GSTA1: variants seen among roughly 807,000 people sequenced by gnomAD.
GSTA1 encodes glutathione S-transferase A1.
Under a neutral mutation model 21.5 loss-of-function variants are expected in GSTA1, and 23 were observed. The observed-to-expected ratio is 1.07, with a 90% CI of 0.77 to 1.52. GSTA1 has a LOEUF of 1.52. Among genes scored for constraint, GSTA1 ranks in the 40% most tolerant of loss-of-function variants. The pLI is 0.00. For missense variants in GSTA1, 301 were observed against 264.2 expected (o/e 1.14, Z -0.96); for synonymous variants, 125 against 90.0 (o/e 1.39, Z -2.20).
intron 3 of GSTA1, among the ~76,000 whole-genome samples, 169 bp from the exon 4 acceptor site, chr6:52,796,483 A>ATG (rs1488219357): frequency 1.7e-3 from 8 of 4,646 alleles, no homozygotes; most frequent in African/African-American, 0.011. Context: ...ATATATATAT[A>ATG]TATATATGTG....
intron 3 of GSTA1, among the ~76,000 whole-genome samples, chr6:52,796,841 AAAC>A (rs1763602807): frequency 6.6e-6 from 1 of 151,984 alleles, no homozygotes; most frequent in Non-Finnish European, 1.5e-5. Context: ...CACCCAGTCC[AAAC>A]AACATTTTTA....
At chr6:52,793,019 C>T (rs1259149224) in intron 5 of GSTA1, 32 bp from the exon 6 acceptor site, 1 of 1,613,704 alleles carries the variant, frequency 6.2e-7, no homozygotes, top group Non-Finnish European at 8.5e-7. Context: ...ATCAGGAACA[C>T]ATGCACACCC....
rs368967369 is a variant in GSTA1 at position 52,794,209 on chromosome 6, G to C, written c.330C>G (p.Pro110=). 48 of 1,613,564 alleles carry C rather than the reference G, an allele frequency of 3.0e-5. No individual in the cohort carries two copies. Among genetic ancestry groups the C allele is most frequent in the Non-Finnish European group, 4.1e-5 (48 of 1,179,706 alleles). Residue 110 remains proline, a synonymous_variant, in exon 5 of 7, where the codon CCC becomes CCG. Transcript: ENST00000334575. ...CATCTTTTTCCTCAGGTGGACATACGGGCAGAAGGAGGATCATTTCACCCA... is the reference window on the plus strand; with the variant it reads ...CATCTTTTTCCTCAGGTGGACATACCGGCAGAAGGAGGATCATTTCACCCA... ...ADLGEMILLL[P]VCPPEEKDAK...
intron 5 of GSTA1, among the ~76,000 whole-genome samples, chr6:52,793,659 A>G (rs1763510494): frequency 6.6e-6 from 1 of 152,138 alleles, no homozygotes; most frequent in Non-Finnish European, 1.5e-5. Context: ...GCATCCCACA[A>G]TCACTCTCCT....
chr6:52,794,044 A>C, intron 5 of GSTA1, 81 bp downstream of exon 5: 1 of 1,560,798 alleles, frequency 6.4e-7, no homozygotes, highest in East Asian at 2.2e-5. Context: ...AGTGAAGATC[A>C]GTGACCCAGG....
chr6:52,791,876 C>T lies in GSTA1; in HGVS notation c.651G>A (p.Arg217=), dbSNP rs990913746. The T allele has an allele frequency of 2.5e-6, 4 of 1,613,870 alleles. No individual in the cohort carries two copies. In the African/African-American group the frequency reaches 4.0e-5, roughly 16 times the overall value. The part of the protein sequence containing the change: ...PMDEKSLEEA[R]KIFRF ...TGCGTTATTAAAACCTGAAAATCTT[C>T]CTTGCTTCTTCTAAAGATTTCTCAT... The change falls in exon 7 of 7, where the codon AGG becomes AGA. Residue 217 remains arginine, a synonymous_variant. Transcript: ENST00000334575.
intron 1 of GSTA1, among the ~76,000 whole-genome samples, chr6:52,802,416 A>G (rs1763739834): frequency 6.6e-6 from 1 of 152,232 alleles, no homozygotes. Context: ...TCTTCTTAGA[A>G]TAGAGATAGT....
At position 52,791,570 on chromosome 6, in the gene GSTA1, G is replaced by C; in HGVS notation, c.*288C>G. On this transcript the variant is annotated 3_prime_UTR_variant, in exon 7 of 7. Transcript: ENST00000334575. ...ATGTTACGGGACAATTCTTGGAAAA[G>C]TCAAACAAACCACATAATCTATAGT... 1 of 325,200 alleles carries C rather than the reference G, an allele frequency of 3.1e-6. No individual in the cohort carries two copies. The highest frequency in any genetic ancestry group is 5.6e-6 in the Non-Finnish European group (1 of 177,652). The allele number at this position is 325,200 out of a possible 1,614,324, so 20.1% of individuals were successfully genotyped here. A position where few individuals can be genotyped will look rare whatever the true frequency, so the allele number is the denominator to read the frequency against.
At chr6:52,796,487 ATATGTGTGTG>A (rs1763588954) in intron 3 of GSTA1, among the ~76,000 whole-genome samples, 173 bp from the exon 4 acceptor site, 4 of 5,136 alleles carry the variant, frequency 7.8e-4, no homozygotes, top group African/African-American at 3.7e-3. Flanking sequence ...ATATATATAT[ATATGTGTGTG>A]TGTGTGTGTG....
chr6:52,802,749 C>T (rs1310628517), intron 1 of GSTA1, among the ~76,000 whole-genome samples: 1 of 152,090 alleles, frequency 6.6e-6, no homozygotes, highest in South Asian at 2.1e-4. Flanking sequence ...GTCTTGTATC[C>T]ATTTCTCTGG....
At chr6:52,803,380 T>A (rs969533533) in intron 1 of GSTA1, among the ~76,000 whole-genome samples, 1 of 152,202 alleles carries the variant, frequency 6.6e-6, no homozygotes, top group Non-Finnish European at 1.5e-5. Context: ...TTTTGTATTT[T>A]CACAGCCAAT....
intron 1 of GSTA1, among the ~76,000 whole-genome samples, chr6:52,801,117 G>C (rs1375769009): frequency 6.6e-6 from 1 of 152,156 alleles, no homozygotes; most frequent in Non-Finnish European, 1.5e-5. Context: ...CTGACCTCAG[G>C]TGATCCACTC....
intron 6 of GSTA1, 64 bp from the exon 7 acceptor site, chr6:52,792,044 C>T: frequency 6.2e-7 from 1 of 1,601,800 alleles, no homozygotes; most frequent in Non-Finnish European, 8.5e-7. Context: ...TAACATGACC[C>T]AGGGAATCTG....
chr6:52,800,259 T>G (rs1382006625), intron 1 of GSTA1, among the ~76,000 whole-genome samples: 6 of 152,228 alleles, frequency 3.9e-5, no homozygotes, highest in Non-Finnish European at 8.8e-5. Flanking sequence ...TACTGAGGTT[T>G]TTAAAGTAAC....
Position 52,794,230 on chromosome 6 carries a change from A to G in GSTA1, c.309T>C (p.Gly103=), listed in dbSNP as rs776621245. 1 of 1,613,642 alleles carries G rather than the reference A, an allele frequency of 6.2e-7. No homozygotes were observed. The highest frequency in any genetic ancestry group is 1.3e-5 in the African/African-American group (1 of 74,908). ...ATACGGGCAGAAGGAGGATCATTTC[A>G]CCCAAATCTGCTATACCTTCTATAT... The part of the protein sequence containing the change: ...DMYIEGIADL[G]EMILLLPVCP... The change falls in exon 5 of 7, where the codon GGT becomes GGC. Residue 103 remains glycine (G), a synonymous_variant. Transcript: ENST00000334575.
intron 1 of GSTA1, among the ~76,000 whole-genome samples, chr6:52,800,341 CTA>C (rs1427086030): frequency 6.6e-6 from 1 of 152,100 alleles, no homozygotes; most frequent in African/African-American, 2.4e-5. Context: ...GTCTTATTTT[CTA>C]TGTTAGTGTT....
rs148780958 is a variant in GSTA1, at chr6:52,800,480, G to A, written c.-30-1183C>T. Among the ~76,000 whole-genome samples the A allele has an allele frequency of 3.4e-3, 516 of 152,348 alleles. 4 individuals are homozygous for A. Among genetic ancestry groups the A allele is most frequent in the African/African-American group, 0.012 (504 of 41,574 alleles). On this transcript the variant is annotated intron_variant, in intron 1 of 6. Coordinates refer to ENST00000334575, the MANE Select transcript of GSTA1 (RefSeq NM_145740.5). ...AAAGGTAAGTAATGTTTGATGAGTT[G>A]TTAGTTTCAGTTATTTGTATATTGT...
intron 1 of GSTA1, among the ~76,000 whole-genome samples, chr6:52,799,876 T>C (rs1763673317): frequency 6.6e-6 from 1 of 152,200 alleles, no homozygotes; most frequent in African/African-American, 2.4e-5. Flanking sequence ...AACCAGAGGA[T>C]GTCACTGACA....
intron 3 of GSTA1, among the ~76,000 whole-genome samples, chr6:52,796,786 A>G (rs1363631471): frequency 6.6e-6 from 1 of 151,060 alleles, no homozygotes; most frequent in Non-Finnish European, 1.5e-5. Flanking sequence ...GAAATGATCT[A>G]CCCACCTCAG....
Sources: gnomAD v4.1 joint callset for allele counts (sites outside exome capture counted in the v4.1 genomes callset) on GRCh38, gnomAD v4.1.1 for gene constraint, MANE v1.5 for transcripts, NCBI Gene and HGNC (gene_info 2026-07-23, HGNC 2026-07-21) for gene names.